The following ATF6 variants were observed in gnomAD, a reference collection of about 807,000 sequenced individuals.
The protein encoded by ATF6 is cyclic AMP-dependent transcription factor ATF-6 alpha.
Under a neutral mutation model 83.6 loss-of-function variants are expected in ATF6, and 53 were observed. The ratio of observed to expected loss-of-function variants is 0.63; its 90% CI spans 0.51 to 0.80. The LOEUF is 0.80. ATF6 is among the 30% of genes least tolerant of loss of function. ATF6 has a pLI of 0.00. For missense variants in ATF6, 744 were observed against 797.9 expected, an observed-to-expected ratio of 0.93 and a Z score of 0.81; for synonymous variants, 288 against 285.8, an observed-to-expected ratio of 1.01 and a Z score of -0.08.
chr1:161,947,810 CTTTTTTTTTT>C (rs10524670), intron 15 of ATF6, among the ~76,000 whole-genome samples: 3 of 57,548 alleles, frequency 5.2e-5, no homozygotes, highest in East Asian at 7.0e-4. Flanking sequence ...TAAGCCACGC[CTTTTTTTTTT>C]TTTTTTTTTT....
intron 10 of ATF6, among the ~76,000 whole-genome samples, chr1:161,849,744 A>G (rs1213534473): frequency 4.6e-5 from 7 of 151,650 alleles, no homozygotes; most frequent in African/African-American, 1.7e-4. Context: ...TGTCCTGATG[A>G]CTCTCAAATT....
chr1:161,927,092 G>A (rs77632578), intron 15 of ATF6, among the ~76,000 whole-genome samples: 1,906 of 151,938 alleles, frequency 0.013, 46 homozygotes, highest in African/African-American at 0.043. Context: ...TTAATTTACT[G>A]GAAAACAAGG....
intron 15 of ATF6, among the ~76,000 whole-genome samples, chr1:161,947,309 C>T (rs192946658): frequency 3.8e-4 from 58 of 152,286 alleles, no homozygotes; most frequent in South Asian, 3.1e-3. Context: ...AAGGGAGATT[C>T]TTGCTAGATG....
chr1:161,870,514 G>A (rs1687099895), intron 14 of ATF6, among the ~76,000 whole-genome samples: 1 of 151,560 alleles, frequency 6.6e-6, no homozygotes, highest in Non-Finnish European at 1.5e-5. Context: ...GAAAAGAGTG[G>A]GGTTTTTGTG....
At chr1:161,947,387 G>A (rs372460050) in intron 15 of ATF6, among the ~76,000 whole-genome samples, 5 of 152,318 alleles carry the variant, frequency 3.3e-5, no homozygotes, top group East Asian at 3.9e-4. Flanking sequence ...AGATAACAAG[G>A]GTGGAGGATT....
chr1:161,905,070 T>A (rs1214126348), intron 14 of ATF6, among the ~76,000 whole-genome samples: 3 of 152,194 alleles, frequency 2.0e-5, no homozygotes, highest in Non-Finnish European at 4.4e-5. Flanking sequence ...GAGTGAAGGC[T>A]GGAGGAATAG....
intron 9 of ATF6, among the ~76,000 whole-genome samples, chr1:161,826,889 T>TTCA: frequency 6.6e-6 from 1 of 152,180 alleles, no homozygotes; most frequent in South Asian, 2.1e-4. Flanking sequence ...ATTGAGATGT[T>TTCA]TCATCATTTG....
intron 14 of ATF6, among the ~76,000 whole-genome samples, chr1:161,896,515 T>G (rs958556887): frequency 3.9e-5 from 6 of 152,230 alleles, no homozygotes; most frequent in Admixed American, 2.0e-4. Context: ...TTACTCAAAT[T>G]TAAAATGTTT....
rs142363763 is a variant in ATF6, at chr1:161,774,666, C to T, written c.83-3578C>T. On this transcript the variant is annotated intron_variant, in intron 1 of 15. Coordinates refer to ENST00000367942, the MANE Select transcript of ATF6 (RefSeq NM_007348.4). The stretch of plus-strand genomic sequence containing the variant: ...GTATACTCTCTATCCTCCTGCCTCC[C>T]AAAAGAAGGCCACTTTCCTCTATTA... 7.2e-5 allele frequency among the ~76,000 whole-genome samples: 11 copies of T among 152,222 alleles called. No homozygotes were observed. The East Asian group carries it at 2.1e-3, about 29-fold the overall frequency.
At chr1:161,928,156 A>G (rs1292303348) in intron 15 of ATF6, among the ~76,000 whole-genome samples, 1 of 152,238 alleles carries the variant, frequency 6.6e-6, no homozygotes, top group Non-Finnish European at 1.5e-5. Flanking sequence ...TAAGAGAACC[A>G]CAACTGAACT....
At chr1:161,941,974 G>C (rs527407418) in intron 15 of ATF6, among the ~76,000 whole-genome samples, 1 of 150,242 alleles carries the variant, frequency 6.7e-6, no homozygotes, top group East Asian at 1.9e-4. Flanking sequence ...TCTTTTTTTC[G>C]GCGGGGTGGG....
At chr1:161,778,157 A>G in intron 1 of ATF6, 87 bp from the exon 2 acceptor site, 1 of 1,031,076 alleles carries the variant, frequency 9.7e-7, no homozygotes, top group African/African-American at 1.6e-5. Flanking sequence ...AGAAACCTTA[A>G]TAGAGGTGAC....
intron 14 of ATF6, 44 bp downstream of exon 14, chr1:161,863,356 T>G: frequency 7.9e-7 from 1 of 1,267,642 alleles, no homozygotes; most frequent in Non-Finnish European, 1.2e-6. Context: ...TTTGAGTGCT[T>G]GCCGTACACA....
At chr1:161,852,675 G>T (rs1483070891) in intron 11 of ATF6, among the ~76,000 whole-genome samples, 1 of 152,056 alleles carries the variant, frequency 6.6e-6, no homozygotes, top group Admixed American at 6.6e-5. Flanking sequence ...TGCAGTGGCT[G>T]GATCATAGCT....
At chr1:161,853,130 C>A (rs1686672739) in intron 11 of ATF6, 94 bp from the exon 12 acceptor site, 4 of 899,088 alleles carry the variant, frequency 4.4e-6, no homozygotes, top group East Asian at 2.7e-5. Flanking sequence ...TTGGAACCTA[C>A]AAATGATTAG....
At position 161,860,247 on chromosome 1, in the gene ATF6, T is replaced by G; in HGVS notation, c.1574T>G (p.Val525Gly). The G allele has an allele frequency of 6.3e-7, 1 of 1,597,942 alleles. No homozygotes were observed. Among genetic ancestry groups the G allele is most frequent in the Admixed American group, 1.7e-5 (1 of 58,842 alleles). Residue 525 changes from valine to glycine, a missense_variant, in exon 13 of 16, where the codon GTT becomes GGT. Coordinates refer to ENST00000367942, the MANE Select transcript of ATF6 (RefSeq NM_007348.4). Reference protein sequence around the residue: ...EQGSNSQLMAVQYTETTSSIS... With the variant: ...EQGSNSQLMAGQYTETTSSIS... ...GGCTCAAATTCTCAGCTGATGGCTG[T>G]TCAATACACAGAAACCACTAGTAGT...
chr1:161,946,412 T>A (rs1252157998), intron 15 of ATF6, among the ~76,000 whole-genome samples: 1 of 152,234 alleles, frequency 6.6e-6, no homozygotes, highest in Non-Finnish European at 1.5e-5. Flanking sequence ...CCAGAAAGAC[T>A]ATGTTTTTGC....
intron 7 of ATF6, among the ~76,000 whole-genome samples, chr1:161,810,022 G>A (rs1001230140): frequency 1.3e-5 from 2 of 152,128 alleles, no homozygotes; most frequent in South Asian, 4.1e-4. Context: ...TACTTGTTCA[G>A]TTTTGATAGG....
At chr1:161,875,045 C>T (rs995303989) in intron 14 of ATF6, among the ~76,000 whole-genome samples, 1 of 151,664 alleles carries the variant, frequency 6.6e-6, no homozygotes, top group African/African-American at 2.4e-5. Context: ...TTCAAAGAAA[C>T]ATTAATGAGA....
Sources: gnomAD v4.1 joint callset for allele counts (sites outside exome capture counted in the v4.1 genomes callset) on GRCh38, gnomAD v4.1.1 for gene constraint, MANE v1.5 for transcripts, NCBI Gene and HGNC (gene_info 2026-07-23, HGNC 2026-07-21) for gene names.